The following LRRC37B variants were observed in gnomAD, a reference collection of about 807,000 sequenced individuals.
The protein encoded by LRRC37B is leucine rich repeat containing 37B, also known as leucine-rich repeat-containing protein 37B.
Under a neutral mutation model 98.3 loss-of-function variants are expected in LRRC37B, and 28 were observed. The observed-to-expected ratio is 0.28, with a 90% confidence interval of 0.21 to 0.39. The LOEUF is 0.39. LRRC37B is among the 10% of genes least tolerant of loss of function. The pLI is 1.00. For synonymous variants in LRRC37B, 364 were observed against 442.7 expected (o/e 0.82, Z 2.23); for missense variants, 938 against 1,182.7 (o/e 0.79, Z 3.03).
intron 2 of LRRC37B, among the ~76,000 whole-genome samples, chr17:32,026,858 G>A (rs1195740400): frequency 2.0e-5 from 3 of 152,132 alleles, no homozygotes; most frequent in Non-Finnish European, 4.4e-5. Flanking sequence ...ATAATCTTTT[G>A]TAACAATGTT....
In LRRC37B at chr17:32,021,141, T is replaced by C. The variant is rs118035128; in HGVS notation, c.76T>C (p.Cys26Arg). 4,185 of 1,614,092 alleles carry C rather than the reference T, an allele frequency of 2.6e-3. 86 individuals carry two copies. The East Asian group carries it at 0.047, about 18-fold the overall frequency. ...TTTTGCTGAGTGCATAGCACCAGCG[T>C]GTGTCATGTCTTGGCTGCGTTTCTG... is the stretch of plus-strand genomic sequence containing the variant. Residue 26 changes from cysteine (C) to arginine (R), a missense_variant, in exon 1 of 12, where the codon TGT becomes CGT. Coordinates refer to ENST00000327564, the Ensembl canonical transcript of LRRC37B.
rs1910845690 is a variant in LRRC37B, at chr17:32,022,971, TCTC to T, written c.1760+150_1760+152del. On this transcript the variant is annotated intron_variant, in intron 1 of 11. Coordinates refer to ENST00000327564, the Ensembl canonical transcript of LRRC37B. ...TCACCTTTGCCTGTCAATTCTCCCT[TCTC>T]CTCATTCTCCTTTAATGTTAGACCC... 4.2e-6 allele frequency: 3 copies of T among 721,208 alleles called. No homozygotes were observed. The South Asian group carries it at 5.1e-5, about 12-fold the overall frequency. 44.7% of individuals were successfully genotyped at this position (721,208 alleles called of 1,614,324 possible).
At chr17:32,045,184 G>A (rs1419243246) in intron 7 of LRRC37B, among the ~76,000 whole-genome samples, 1 of 151,946 alleles carries the variant, frequency 6.6e-6, no homozygotes, top group Non-Finnish European at 1.5e-5. Context: ...GCTTATTGTT[G>A]TTATTCTTTT....
At chr17:32,032,351 T>A (rs1911134470) in intron 5 of LRRC37B, among the ~76,000 whole-genome samples, 1 of 152,070 alleles carries the variant, frequency 6.6e-6, no homozygotes, top group East Asian at 1.9e-4. Flanking sequence ...CAAAATGGTG[T>A]TTATGTTAAG....
chr17:32,034,520 A>G (rs945268549), intron 5 of LRRC37B, among the ~76,000 whole-genome samples: 4 of 151,754 alleles, frequency 2.6e-5, no homozygotes, highest in African/African-American at 9.7e-5. Flanking sequence ...AAAAAAAAAA[A>G]AAAACAACTT....
At chr17:32,018,468 G>A (rs1168016462), upstream of LRRC37B, among the ~76,000 whole-genome samples, 1 of 152,098 alleles carries the variant, frequency 6.6e-6, no homozygotes, top group Non-Finnish European at 1.5e-5. Context: ...TTGAGTGCAG[G>A]GTATTTCTGG....
At chr17:32,049,484 A>C in intron 10 of LRRC37B, 90 bp downstream of exon 13, 1 of 1,396,170 alleles carries the variant, frequency 7.2e-7, no homozygotes, top group East Asian at 2.5e-5. Flanking sequence ...TGGGACTCCC[A>C]GGCCATAGCT....
chr17:32,011,333 G>A (rs145708889), intron 1 of LRRC37B, among the ~76,000 whole-genome samples: 3 of 151,504 alleles, frequency 2.0e-5, no homozygotes, highest in East Asian at 2.0e-4. Flanking sequence ...ATATCCTATC[G>A]TGCATATATA....
intron 1 of LRRC37B, among the ~76,000 whole-genome samples, chr17:32,011,775 G>A (rs1910531524): frequency 6.6e-6 from 1 of 152,220 alleles, no homozygotes; most frequent in Non-Finnish European, 1.5e-5. Flanking sequence ...GGGATTACAG[G>A]CATGAGCCAC....
At chr17:32,049,244 C>T (rs1256552800) in exon 10 of LRRC37B, 6 of 1,613,084 alleles carry the variant, frequency 3.7e-6, no homozygotes, top group Non-Finnish European at 5.1e-6. Context: ...GTGCCAAGCT[C>T]ATGTTGCGAA....
chr17:32,037,934 AG>A (rs981659909), intron 7 of LRRC37B, among the ~76,000 whole-genome samples: 1 of 151,888 alleles, frequency 6.6e-6, no homozygotes, highest in Non-Finnish European at 1.5e-5. Flanking sequence ...AGTGAAACCC[AG>A]TCTCTACTAA....
chr17:32,008,071 G>A (rs1313862410), exon 1 of LRRC37B: 3 of 496,896 alleles, frequency 6.0e-6, no homozygotes, highest in Non-Finnish European at 1.2e-5. Flanking sequence ...ATCCGGAGGA[G>A]CTGGAAGATG....
intron 2 of LRRC37B, among the ~76,000 whole-genome samples, chr17:32,026,657 G>A (rs1235875150): frequency 6.6e-6 from 1 of 152,190 alleles, no homozygotes; most frequent in Non-Finnish European, 1.5e-5. Flanking sequence ...TCGAACTCAT[G>A]ATCTCAGGTG....
intron 1 of LRRC37B, among the ~76,000 whole-genome samples, chr17:32,011,183 G>A (rs531570740): frequency 6.6e-6 from 1 of 151,958 alleles, no homozygotes; most frequent in South Asian, 2.1e-4. Context: ...TTTTAGAAGA[G>A]ACGGGGTTTC....
At chr17:32,022,510 C>G (rs1413423848) in exon 1 of LRRC37B, 1 of 1,613,402 alleles carries the variant, frequency 6.2e-7, no homozygotes, top group Non-Finnish European at 8.5e-7. Context: ...GCCATAACTC[C>G]AGAACCCACT....
intron 7 of LRRC37B, 131 bp from the exon 11 acceptor site, chr17:32,045,569 T>A (rs974042971): frequency 1.9e-6 from 2 of 1,036,506 alleles, no homozygotes; most frequent in African/African-American, 3.1e-5. Flanking sequence ...TTCTGGTTCC[T>A]ACCCAAGTGT....
At chr17:32,032,510 G>C (rs1202746948) in intron 5 of LRRC37B, among the ~76,000 whole-genome samples, 1 of 152,018 alleles carries the variant, frequency 6.6e-6, no homozygotes, top group Non-Finnish European at 1.5e-5. Context: ...TATATTCAAT[G>C]GCCTGAAGGG....
At chr17:32,027,719 A>G (rs778014264) in intron 2 of LRRC37B, 50 bp from the exon 6 acceptor site, 9 of 1,463,166 alleles carry the variant, frequency 6.2e-6, no homozygotes, top group South Asian at 3.5e-5. Flanking sequence ...CTGTGTAGCA[A>G]ATAGTTGTAG....
chr17:32,049,180 A>G lies in LRRC37B; in HGVS notation c.2543A>G (p.His848Arg), dbSNP rs1270214665. Residue 848 changes from histidine (H) to arginine (R), a missense_variant, in exon 10 of 12, where the codon CAT (histidine) becomes CGT (arginine). By Grantham distance (29) the His-to-Arg change is conservative. Around this residue, in one of 2 missense-constraint regions of LRRC37B, gnomAD observed 328 missense variants for 557.0 expected, o/e 0.59. Coordinates refer to ENST00000327564, the Ensembl canonical transcript of LRRC37B. Reference sequence around the variant, plus strand: ...GAGGATGTGAGAAAGTTCATGTCTCATGTTATCCGGACCTTGAAAATGGAA... The same window carrying G: ...GAGGATGTGAGAAAGTTCATGTCTCGTGTTATCCGGACCTTGAAAATGGAA... The G allele has an allele frequency of 5.0e-6, 8 of 1,614,036 alleles. No homozygotes were observed. Among genetic ancestry groups the G allele is most frequent in the Non-Finnish European group, 5.9e-6 (7 of 1,180,038 alleles).
Sources: allele counts gnomAD v4.1 joint callset (sites outside exome capture counted in the v4.1 genomes callset), GRCh38; gene constraint gnomAD v4.1.1; regional missense constraint gnomAD v4.1.1; transcripts MANE v1.5; gene names NCBI Gene and HGNC (gene_info 2026-07-23, HGNC 2026-07-21).